Variants in CCDC171 observed in about 807,000 individuals in gnomAD.
CCDC171 encodes the protein coiled-coil domain containing 171, also known as coiled-coil domain-containing protein 171.
A neutral mutation model predicts 168.2 loss-of-function variants in CCDC171; 177 were observed. That is an observed-to-expected ratio of 1.05 (90% CI 0.93 to 1.19). The LOEUF (loss-of-function observed/expected upper bound fraction) is 1.19, where lower values mean the gene tolerates loss of function less well. CCDC171 is among the 50% of genes most tolerant of loss of function. CCDC171 has a pLI of 0.00. For missense variants in CCDC171, 1,991 were observed against 1,539.0 expected (o/e 1.29, Z -4.91); for synonymous variants, 687 against 540.8 (o/e 1.27, Z -3.75).
chr9:15,732,453 T>G (rs1009083878), intron 16 of CCDC171, among the ~76,000 whole-genome samples: 29 of 152,124 alleles, frequency 1.9e-4, no homozygotes, highest in Non-Finnish European at 3.8e-4. Flanking sequence ...GGTACCTTTG[T>G]GAAAAAACAG....
intron 3 of CCDC171, among the ~76,000 whole-genome samples, chr9:15,575,873 C>A (rs2040609186): frequency 6.6e-6 from 1 of 152,172 alleles, no homozygotes; most frequent in Non-Finnish European, 1.5e-5. Context: ...GGGCAAATCA[C>A]TTGAGGTCGG....
chr9:15,645,422 A>G (rs2046961857), intron 7 of CCDC171, among the ~76,000 whole-genome samples: 1 of 152,240 alleles, frequency 6.6e-6, no homozygotes, highest in Non-Finnish European at 1.5e-5. Context: ...AGAAGGCTTT[A>G]GATGATCGGT....
chr9:15,944,643 C>A (rs775592555), intron 25 of CCDC171, among the ~76,000 whole-genome samples: 1 of 151,860 alleles, frequency 6.6e-6, no homozygotes, highest in Non-Finnish European at 1.5e-5. Flanking sequence ...GCTAGGCATG[C>A]GGGTTTAAAT....
At chr9:16,066,616 C>A (rs1264173696), downstream of CCDC171, among the ~76,000 whole-genome samples, 5 of 115,764 alleles carry the variant, frequency 4.3e-5, no homozygotes, top group South Asian at 3.7e-4. Flanking sequence ...CCCCCCTCCC[C>A]CCACCCCACA....
At position 15,724,923 on chromosome 9, in the gene CCDC171, C is replaced by G; in HGVS notation, c.1639C>G (p.Gln547Glu). The change falls in exon 14 of 26, where the codon CAG becomes GAG. Residue 547 changes from glutamine (Q) to glutamate (E), a missense_variant. Physicochemically the swap from Gln to Glu is conservative, Grantham distance 29. Transcript: ENST00000380701. ...CWEKEKAQAAQSESELQKLSQ... is the reference protein window; with the variant it reads ...CWEKEKAQAAESESELQKLSQ... Reference sequence around the variant, plus strand: ...GGAGAAAGAAAAGGCTCAGGCAGCCCAGTCTGAAAGTGAACTGCAGAAGCT... The same window carrying G: ...GGAGAAAGAAAAGGCTCAGGCAGCCGAGTCTGAAAGTGAACTGCAGAAGCT... The G allele has an allele frequency of 6.2e-7, 1 of 1,613,882 alleles. No individual in the cohort carries two copies. Among genetic ancestry groups the G allele is most frequent in the East Asian group, 2.2e-5 (1 of 44,866 alleles).
chr9:15,569,748 G>A (rs1196551832), intron 2 of CCDC171, among the ~76,000 whole-genome samples: 1 of 151,508 alleles, frequency 6.6e-6, no homozygotes, highest in Non-Finnish European at 1.5e-5. Context: ...CCGGGAGGCG[G>A]AGCTTGCAGT....
At chr9:15,681,007 A>G in intron 10 of CCDC171, among the ~76,000 whole-genome samples, 1 of 152,178 alleles carries the variant, frequency 6.6e-6, no homozygotes, top group East Asian at 1.9e-4. Context: ...ACCACAGAGC[A>G]TATTCATATT....
At chr9:15,725,024 T>G (rs747851288) in intron 14 of CCDC171, 48 bp downstream of exon 14, 3 of 1,335,888 alleles carry the variant, frequency 2.2e-6, no homozygotes, top group Non-Finnish European at 3.2e-6. Context: ...TTCACTAATC[T>G]CAGTGTTATA....
the CCDC171 span, among the ~76,000 whole-genome samples, chr9:16,094,835 A>T: frequency 6.6e-6 from 1 of 152,202 alleles, no homozygotes; most frequent in Non-Finnish European, 1.5e-5. Flanking sequence ...AGGGACACAG[A>T]TCCAAATCAT....
At chr9:15,813,106 C>G (rs894099355) in intron 21 of CCDC171, among the ~76,000 whole-genome samples, 24 of 152,196 alleles carry the variant, frequency 1.6e-4, no homozygotes, top group African/African-American at 5.5e-4. Flanking sequence ...GACTGGCTAA[C>G]TGTTCTTCAA....
chr9:16,103,123 A>G, the CCDC171 span, among the ~76,000 whole-genome samples: 11 of 152,326 alleles, frequency 7.2e-5, no homozygotes, highest in African/African-American at 1.4e-4. Context: ...TCGGCCTTCA[A>G]TTGATTTTGC....
intron 16 of CCDC171, among the ~76,000 whole-genome samples, chr9:15,730,046 C>A (rs752985271): frequency 5.9e-5 from 9 of 151,918 alleles, no homozygotes; most frequent in East Asian, 3.9e-4. Context: ...TCCCAAAATG[C>A]ATTGGTCAGT....
At chr9:15,770,855 A>C (rs1258202310) in intron 18 of CCDC171, among the ~76,000 whole-genome samples, 1 of 152,178 alleles carries the variant, frequency 6.6e-6, no homozygotes, top group African/African-American at 2.4e-5. Context: ...TCAAAGGGTC[A>C]CCTCCAACCA....
At chr9:15,655,055 A>G (rs1307752526) in intron 7 of CCDC171, among the ~76,000 whole-genome samples, 1 of 152,092 alleles carries the variant, frequency 6.6e-6, no homozygotes, top group Non-Finnish European at 1.5e-5. Context: ...GCAGGGAGGG[A>G]TAGCATTAGG....
chr9:15,660,259 G>T (rs886738082), intron 8 of CCDC171, among the ~76,000 whole-genome samples: 1 of 152,138 alleles, frequency 6.6e-6, no homozygotes, highest in African/African-American at 2.4e-5. Context: ...CACTAAAGTG[G>T]CATCAATAAG....
At position 15,895,417 on chromosome 9, in the gene CCDC171, A is replaced by G. The variant is rs1274533938; in HGVS notation, c.3600+20754A>G. On this transcript the variant is annotated intron_variant, in intron 24 of 25. Coordinates refer to ENST00000380701, the MANE Select transcript of CCDC171 (RefSeq NM_173550.4). Reference sequence around the variant, plus strand: ...ATCAAAAATTCATAAGAACATTTCCACTTATCGAGGCCAGATGTCATGATT... The same window carrying G: ...ATCAAAAATTCATAAGAACATTTCCGCTTATCGAGGCCAGATGTCATGATT... Among the ~76,000 whole-genome samples, 6 of 152,192 alleles carry G rather than the reference A, an allele frequency of 3.9e-5. No individual in the cohort carries two copies. In the East Asian group the frequency reaches 9.7e-4, roughly 25 times the overall value.
intron 6 of CCDC171, among the ~76,000 whole-genome samples, chr9:15,599,212 G>T (rs915308738): frequency 2.6e-5 from 4 of 152,072 alleles, no homozygotes; most frequent in African/African-American, 7.2e-5. Context: ...TGGTTATTTT[G>T]CTCATTAGTT....
chr9:16,106,606 A>G, the CCDC171 span, among the ~76,000 whole-genome samples: 2 of 152,162 alleles, frequency 1.3e-5, no homozygotes, highest in African/African-American at 2.4e-5. Flanking sequence ...TTCCAGAACA[A>G]AGGTTGTTTT....
chr9:15,777,893 T>C (rs2135392888), intron 19 of CCDC171, 67 bp downstream of exon 19: 1 of 1,071,146 alleles, frequency 9.3e-7, no homozygotes, highest in East Asian at 2.5e-5. Flanking sequence ...TTAGCCTAAT[T>C]TGTAGTTTAA....
Sources: gnomAD v4.1 joint callset for allele counts (sites outside exome capture counted in the v4.1 genomes callset) on GRCh38, gnomAD v4.1.1 for gene constraint, MANE v1.5 for transcripts, NCBI Gene and HGNC (gene_info 2026-07-23, HGNC 2026-07-21) for gene names.